Variants in HOXC4 observed in about 807,000 individuals in gnomAD.
HOXC4 encodes homeobox protein Hox-C4.
In HOXC4, 15 loss-of-function variants were observed where a neutral mutation model predicts 25.5. The observed-to-expected ratio is 0.59, with a 90% CI of 0.39 to 0.91. The LOEUF (loss-of-function observed/expected upper bound fraction) is 0.91. Ranked by LOEUF, HOXC4 falls within the 40% of genes least tolerant of loss-of-function variation. The pLI is 0.00. For missense variants in HOXC4, 342 were observed against 352.4 expected (o/e 0.97, Z 0.24); for synonymous variants, 165 against 148.0 (o/e 1.11, Z -0.83).
At chr12:54,018,598 A>T (rs1592218953) in intron 1 of HOXC4, among the ~76,000 whole-genome samples, 1 of 152,180 alleles carries the variant, frequency 6.6e-6, no homozygotes, top group Admixed American at 6.5e-5. Context: ...AATTTCTTCC[A>T]AATGTACGTG....
intron 1 of HOXC4, chr12:54,034,617 C>T (rs1941132895): frequency 1.3e-6 from 1 of 775,812 alleles, no homozygotes; most frequent in South Asian, 1.8e-5. Flanking sequence ...CTCCCGGGCC[C>T]CACAGACAAA....
chr12:54,024,600 G>C lies in HOXC4; in HGVS notation c.-124+7186G>C, dbSNP rs112208816. On this transcript the variant is annotated intron_variant, in intron 1 of 3. Coordinates refer to the HOXC4 transcript ENST00000303406. ...GGAAATTAATATATTTCCCAGAGCT[G>C]AGTGGAAAGCAAAGGCCAGCAAGGT... 3.2e-3 allele frequency among the ~76,000 whole-genome samples: 494 copies of C among 152,312 alleles called. 1 individual carries two copies. The highest frequency in any genetic ancestry group is 5.5e-3 in the Non-Finnish European group (373 of 68,032).
intron 1 of HOXC4, among the ~76,000 whole-genome samples, chr12:54,044,420 C>T (rs1306400890): frequency 6.6e-6 from 1 of 152,162 alleles, no homozygotes; most frequent in Non-Finnish European, 1.5e-5. Flanking sequence ...GGTCCCCCAA[C>T]CCCTCAGTCA....
At chr12:54,032,963 T>G (rs1941043268) in intron 1 of HOXC4, 3 of 641,994 alleles carry the variant, frequency 4.7e-6, no homozygotes, top group Non-Finnish European at 7.9e-6. Flanking sequence ...GTGACTCTAT[T>G]TAAGGCTCCC....
chr12:54,030,404 G>A (rs1940941003), intron 1 of HOXC4: 1 of 153,554 alleles, frequency 6.5e-6, no homozygotes, highest in Non-Finnish European at 1.5e-5. Context: ...GGGAGGGCCG[G>A]AGGCCCAAGG....
At chr12:54,034,899 G>T (rs373936762) in intron 1 of HOXC4, 41 of 233,176 alleles carry the variant, frequency 1.8e-4, no homozygotes, top group Middle Eastern at 1.7e-3. Flanking sequence ...CTCTAACCTC[G>T]CCCTCTCCTT....
At chr12:54,031,783 G>T (rs556790457) in intron 1 of HOXC4, among the ~76,000 whole-genome samples, 21 of 152,310 alleles carry the variant, frequency 1.4e-4, no homozygotes, top group African/African-American at 5.1e-4. Flanking sequence ...GGAAGTATGA[G>T]ACTTGGGGCT....
chr12:54,040,492 A>C (rs1026215907), intron 1 of HOXC4, among the ~76,000 whole-genome samples: 4 of 152,060 alleles, frequency 2.6e-5, no homozygotes, highest in African/African-American at 9.7e-5. Context: ...CCCTGAACCA[A>C]CTCTGAGGAG....
At chr12:54,048,817 C>A (rs1171308929) in intron 1 of HOXC4, among the ~76,000 whole-genome samples, 2 of 152,134 alleles carry the variant, frequency 1.3e-5, no homozygotes, top group Non-Finnish European at 2.9e-5. Context: ...AGGCCAGGGA[C>A]CCCTCCATAA....
intron 1 of HOXC4, among the ~76,000 whole-genome samples, chr12:54,018,646 C>T (rs1565734638): frequency 6.6e-6 from 1 of 152,238 alleles, no homozygotes; most frequent in African/African-American, 2.4e-5. Context: ...TGACCCCGCC[C>T]TGCTCCCCGG....
At chr12:54,029,189 C>G (rs1940870599) in intron 1 of HOXC4, among the ~76,000 whole-genome samples, 2 of 151,902 alleles carry the variant, frequency 1.3e-5, no homozygotes, top group Admixed American at 6.6e-5. Flanking sequence ...GGGGAGGGAG[C>G]AGAAGATAGG....
At chr12:54,043,964 GTGTTTA>G (rs1565750560) in intron 1 of HOXC4, among the ~76,000 whole-genome samples, 1 of 114,840 alleles carries the variant, frequency 8.7e-6, no homozygotes, top group African/African-American at 4.0e-5. Flanking sequence ...GTGTGTGTGT[GTGTTTA>G]GGGAGTAGTA....
chr12:54,046,364 G>A (rs1042648811), intron 1 of HOXC4, among the ~76,000 whole-genome samples: 4 of 152,222 alleles, frequency 2.6e-5, no homozygotes, highest in South Asian at 2.1e-4. Context: ...TAATAGCCAG[G>A]CAGGCGGACT....
At chr12:54,050,609 CT>C (rs1937822770), upstream of HOXC4, among the ~76,000 whole-genome samples, 1 of 148,204 alleles carries the variant, frequency 6.7e-6, no homozygotes, top group African/African-American at 2.5e-5. Flanking sequence ...GATTTTATTT[CT>C]GTGCTTGTAA....
At chr12:54,046,661 A>T (rs7315495) in intron 1 of HOXC4, among the ~76,000 whole-genome samples, 57,392 of 152,048 alleles carry the variant, frequency 0.38, 11,635 homozygotes, top group East Asian at 0.61. Flanking sequence ...AAATGAGAGA[A>T]TAAGTGGAAA....
intron 1 of HOXC4, among the ~76,000 whole-genome samples, chr12:54,047,458 C>G (rs1432705817): frequency 6.6e-6 from 1 of 152,252 alleles, no homozygotes; most frequent in Non-Finnish European, 1.5e-5. Context: ...GAGGTGCGCG[C>G]CGGCCGCCGA....
At chr12:54,029,905 C>T (rs765585868) in intron 1 of HOXC4, 4 of 1,608,658 alleles carry the variant, frequency 2.5e-6, no homozygotes, top group South Asian at 1.1e-5. Context: ...CCGCCGACAG[C>T]CTGGGCGGAA....
chr12:54,034,360 C>T (rs991525067), intron 1 of HOXC4: 5 of 1,614,104 alleles, frequency 3.1e-6, no homozygotes, highest in Non-Finnish European at 4.2e-6. Flanking sequence ...TTAACCGCTA[C>T]CTCACTCGCC....
At chr12:54,042,274 A>G (rs1278138717) in intron 1 of HOXC4, among the ~76,000 whole-genome samples, 1 of 152,206 alleles carries the variant, frequency 6.6e-6, no homozygotes, top group Admixed American at 6.5e-5. Flanking sequence ...CACCGTGGCC[A>G]GCCCCATTTG....
Sources: allele counts gnomAD v4.1 joint callset (sites outside exome capture counted in the v4.1 genomes callset), GRCh38; gene constraint gnomAD v4.1.1; transcripts MANE v1.5; gene names NCBI Gene and HGNC (gene_info 2026-07-23, HGNC 2026-07-21).